The following MCTP1 variants were observed in gnomAD, a reference collection of about 807,000 sequenced individuals.
MCTP1 encodes multiple C2 and transmembrane domain containing 1.
MCTP1 carries 69 observed loss-of-function variants against 120.6 expected under a neutral mutation model. The observed-to-expected ratio is 0.57, with a 90% CI of 0.47 to 0.70. The LOEUF (loss-of-function observed/expected upper bound fraction) is 0.70. Among genes scored for constraint, MCTP1 ranks in the 30% least tolerant of loss-of-function variants. MCTP1 has a pLI of 0.00. For missense variants in MCTP1, 1,203 were observed against 1,248.8 expected, an observed-to-expected ratio of 0.96 and a Z score of 0.55; for synonymous variants, 529 against 493.1, an observed-to-expected ratio of 1.07 and a Z score of -0.96.
intron 1 of MCTP1, among the ~76,000 whole-genome samples, chr5:95,138,238 C>CCCCA (rs1554213194): frequency 1.3e-5 from 2 of 150,516 alleles, no homozygotes; most frequent in Non-Finnish European, 3.0e-5. Flanking sequence ...ATGCAACCCC[C>CCCCA]CCCCGACATT....
intron 19 of MCTP1, among the ~76,000 whole-genome samples, chr5:94,736,657 A>G (rs944073490): frequency 6.6e-6 from 1 of 152,194 alleles, no homozygotes; most frequent in Admixed American, 6.5e-5. Context: ...TCACACATAC[A>G]TACACACACA....
At chr5:94,962,586 T>C (rs1163548964) in intron 2 of MCTP1, among the ~76,000 whole-genome samples, 1 of 151,848 alleles carries the variant, frequency 6.6e-6, no homozygotes, top group African/African-American at 2.4e-5. Context: ...CTGGATGGGA[T>C]TGGAGACTAT....
At chr5:94,743,512 C>G (rs901009288) in intron 19 of MCTP1, among the ~76,000 whole-genome samples, 1 of 152,156 alleles carries the variant, frequency 6.6e-6, no homozygotes, top group African/African-American at 2.4e-5. Flanking sequence ...CCTGCACAGG[C>G]CAGGCTGGGT....
intron 1 of MCTP1, among the ~76,000 whole-genome samples, chr5:95,209,354 T>C (rs924606152): frequency 6.6e-6 from 1 of 152,278 alleles, no homozygotes; most frequent in African/African-American, 2.4e-5. Context: ...ACTATTTGTG[T>C]TTTCCTAAGA....
At position 94,953,920 on chromosome 5, in the gene MCTP1, TATAATATATGCATATATATACAA is replaced by T. The variant is rs1365861154; in HGVS notation, c.839-582_839-560del. On this transcript the variant is annotated intron_variant, in intron 2 of 22. Transcript: ENST00000515393. ...ATATATATATGCATATATATACAAA[TATAATATATGCATATATATACAA>T]ATATATATGCATATATATACAAATA... Among the ~76,000 whole-genome samples the T allele has an allele frequency of 2.2e-4, 11 of 50,372 alleles. 1 individual carries two copies. The highest frequency in any genetic ancestry group is 1.2e-3 in the Admixed American group (4 of 3,320). 33.0% of individuals were successfully genotyped at this position (50,372 alleles called of 152,430 possible).
At chr5:94,740,684 G>A (rs1765321376) in intron 19 of MCTP1, among the ~76,000 whole-genome samples, 1 of 152,210 alleles carries the variant, frequency 6.6e-6, no homozygotes, top group Non-Finnish European at 1.5e-5. Context: ...CTCTGCTTCT[G>A]TTTATTTGGT....
chr5:94,972,980 T>G (rs1237075610), intron 2 of MCTP1, among the ~76,000 whole-genome samples: 1 of 152,132 alleles, frequency 6.6e-6, no homozygotes, highest in Non-Finnish European at 1.5e-5. Context: ...CTAACTTTCT[T>G]GAGTATCTAC....
intron 5 of MCTP1, among the ~76,000 whole-genome samples, chr5:94,932,899 C>A (rs17337117): frequency 0.23 from 34,832 of 151,572 alleles, 5,000 homozygotes; most frequent in South Asian, 0.4. Flanking sequence ...GAGGATTCAC[C>A]ATAAAAAAGA....
At chr5:95,213,270 C>T (rs1214746551) in intron 1 of MCTP1, among the ~76,000 whole-genome samples, 1 of 152,084 alleles carries the variant, frequency 6.6e-6, no homozygotes, top group Non-Finnish European at 1.5e-5. Flanking sequence ...ACAATTGCTT[C>T]AAAGAGAATA....
intron 17 of MCTP1, among the ~76,000 whole-genome samples, chr5:94,832,300 AG>A (rs1226166480): frequency 1.3e-5 from 2 of 152,206 alleles, no homozygotes; most frequent in Non-Finnish European, 2.9e-5. Flanking sequence ...TCCATTGCCA[AG>A]GGGGTTAGAA....
At chr5:95,099,661 T>C (rs1756563235) in intron 1 of MCTP1, among the ~76,000 whole-genome samples, 1 of 150,268 alleles carries the variant, frequency 6.7e-6, no homozygotes, top group African/African-American at 2.5e-5. Context: ...AGGAACACTT[T>C]TACACTGTTG....
chr5:95,106,009 T>G (rs527273335), intron 1 of MCTP1, among the ~76,000 whole-genome samples: 1 of 152,072 alleles, frequency 6.6e-6, no homozygotes, highest in South Asian at 2.1e-4. Context: ...GGAAAGGAGG[T>G]TAATCTTGTT....
chr5:95,252,808 C>T (rs1365998164), intron 1 of MCTP1, among the ~76,000 whole-genome samples: 2 of 151,790 alleles, frequency 1.3e-5, no homozygotes, highest in Non-Finnish European at 2.9e-5. Flanking sequence ...TCTGTCTTTG[C>T]TTTGACAAAA....
chr5:94,862,920 T>C lies in MCTP1; in HGVS notation c.2436+5413A>G, dbSNP rs1283788494. On this transcript the variant is annotated intron_variant, in intron 17 of 22. Transcript: ENST00000515393. ...AATTGTGGTACGAGAAACTTCTAAG[T>C]GTCAATACTTCTTGACTCTGCAAAA... Among the ~76,000 whole-genome samples, 8 of 151,980 alleles carry C rather than the reference T, an allele frequency of 5.3e-5. No individual in the cohort carries two copies. The South Asian group carries it at 1.5e-3, about 28-fold the overall frequency.
intron 3 of MCTP1, among the ~76,000 whole-genome samples, chr5:94,947,569 TATATATATAG>T (rs1325393179): frequency 1.9e-5 from 1 of 51,314 alleles, no homozygotes; most frequent in African/African-American, 9.2e-5. Flanking sequence ...TATATATATA[TATATATATAG>T]AGAGAGAGAG....
intron 2 of MCTP1, among the ~76,000 whole-genome samples, chr5:95,009,118 G>T (rs1446200463): frequency 2.7e-5 from 4 of 150,894 alleles, no homozygotes; most frequent in Non-Finnish European, 5.9e-5. Context: ...GAAGCATTGG[G>T]AGGGAATGCT....
At chr5:95,177,209 A>G (rs866261850) in intron 1 of MCTP1, among the ~76,000 whole-genome samples, 4 of 152,050 alleles carry the variant, frequency 2.6e-5, no homozygotes, top group African/African-American at 7.2e-5. Flanking sequence ...AGAGAAAGAG[A>G]TTTATTTTAA....
At chr5:95,021,840 G>C (rs1327552965) in intron 1 of MCTP1, among the ~76,000 whole-genome samples, 1 of 151,998 alleles carries the variant, frequency 6.6e-6, no homozygotes, top group Non-Finnish European at 1.5e-5. Flanking sequence ...TTCTGAATTA[G>C]ATTTGATTAT....
chr5:94,730,440 C>T (rs1013842486), intron 19 of MCTP1, among the ~76,000 whole-genome samples: 1 of 152,214 alleles, frequency 6.6e-6, no homozygotes, highest in Admixed American at 6.5e-5. Flanking sequence ...CATGAGCCAT[C>T]ACACCTGGCC....
Sources: allele counts gnomAD v4.1 joint callset (sites outside exome capture counted in the v4.1 genomes callset), GRCh38; gene constraint gnomAD v4.1.1; transcripts MANE v1.5; gene names NCBI Gene and HGNC (gene_info 2026-07-23, HGNC 2026-07-21).